NEO1: variants seen among roughly 807,000 people sequenced by gnomAD.
The protein encoded by NEO1 is neogenin.
Under a neutral mutation model 159.7 loss-of-function variants are expected in NEO1, and 63 were observed. The observed-to-expected ratio is 0.39, with a 90% CI of 0.32 to 0.49. The LOEUF (loss-of-function observed/expected upper bound fraction) is 0.49, where lower values mean the gene tolerates loss of function less well. Ranked by LOEUF, NEO1 falls within the 20% of genes least tolerant of loss-of-function variation. The pLI is 0.85. For synonymous variants in NEO1, 633 were observed against 662.0 expected (o/e 0.96, Z 0.67); for missense variants, 1,615 against 1,831.0 (o/e 0.88, Z 2.15).
intron 4 of NEO1, among the ~76,000 whole-genome samples, chr15:73,133,446 G>A (rs902564373): frequency 8.5e-5 from 13 of 152,182 alleles, no homozygotes; most frequent in African/African-American, 3.1e-4. Flanking sequence ...GTTGGGTGCA[G>A]TGTACACTGT....
intron 16 of NEO1, 109 bp downstream of exon 16, chr15:73,266,520 G>T: frequency 5.9e-6 from 4 of 682,822 alleles, no homozygotes; most frequent in South Asian, 3.7e-5. Flanking sequence ...GCATATGGCA[G>T]TTTCGGGTGC....
intron 8 of NEO1, 86 bp downstream of exon 8, chr15:73,236,592 C>T: frequency 8.2e-7 from 1 of 1,219,704 alleles, no homozygotes; most frequent in Non-Finnish European, 1.2e-6. Flanking sequence ...GGTATCTGTA[C>T]CAATTTTTAG....
chr15:73,120,008 C>G (rs1020164525), intron 2 of NEO1, among the ~76,000 whole-genome samples: 1 of 151,906 alleles, frequency 6.6e-6, no homozygotes, highest in Non-Finnish European at 1.5e-5. Flanking sequence ...TGGTGGTGCC[C>G]GCCTGTAATC....
At chr15:73,273,781 ATTTCT>A in intron 19 of NEO1, 25 bp from the exon 20 acceptor site, 1 of 1,560,870 alleles carries the variant, frequency 6.4e-7, no homozygotes, top group Non-Finnish European at 8.7e-7. Context: ...CAGGAGTGAG[ATTTCT>A]TTTCCCATTA....
chr15:73,212,736 A>T lies in NEO1; in HGVS notation c.1292-23611A>T, dbSNP rs1293533426. 2.0e-5 allele frequency among the ~76,000 whole-genome samples: 3 copies of T among 151,618 alleles called. No individual in the cohort carries two copies. In the East Asian group the frequency reaches 5.8e-4, roughly 29 times the overall value. ...AGAAGCATTGCTGATAGTAGCAAAA[A>T]AAAAGTAATGGAAACAGCCCAAAAA... On this transcript the variant is annotated intron_variant, in intron 7 of 28. Transcript: ENST00000261908.
At chr15:73,169,426 T>C (rs2034802785) in intron 5 of NEO1, among the ~76,000 whole-genome samples, 1 of 152,260 alleles carries the variant, frequency 6.6e-6, no homozygotes, top group Non-Finnish European at 1.5e-5. Context: ...CAATTTAACT[T>C]CCCAACCACA....
At position 73,249,736 on chromosome 15, in the gene NEO1, C is replaced by T; in HGVS notation, c.1894+15C>T. 2.5e-6 allele frequency: 4 copies of T among 1,603,176 alleles called. No homozygotes were observed. Among genetic ancestry groups the T allele is most frequent in the Non-Finnish European group, 3.4e-6 (4 of 1,176,106 alleles). ...ATTGTCAGATGGTGAGTCTTTCTTC[C>T]TCTGGAACGATATACCACACTTGGT... On this transcript the variant is annotated intron_variant, in intron 11 of 28. Transcript: ENST00000261908.
chr15:73,085,826 GT>G (rs2069326005), intron 1 of NEO1, among the ~76,000 whole-genome samples: 1 of 152,042 alleles, frequency 6.6e-6, no homozygotes, highest in African/African-American at 2.4e-5. Flanking sequence ...TTGTTGTTGA[GT>G]TTTGAATTCT....
intron 5 of NEO1, among the ~76,000 whole-genome samples, chr15:73,168,886 GT>G (rs1319470525): frequency 0.012 from 1,765 of 145,986 alleles, 21 homozygotes; most frequent in Middle Eastern, 0.024. Flanking sequence ...TATTTGTTGG[GT>G]TTTTTTTTTT....
chr15:73,298,723 A>G lies in NEO1; in HGVS notation c.4165+112A>G, dbSNP rs2042477326. 8 of 1,408,876 alleles carry G rather than the reference A, an allele frequency of 5.7e-6. No homozygotes were observed. The South Asian group carries it at 1.1e-4, about 19-fold the overall frequency. The allele number at this position is 1,408,876 out of a possible 1,614,324, so 87.3% of individuals were successfully genotyped here. On this transcript the variant is annotated intron_variant, in intron 27 of 28. Transcript: ENST00000261908. Reference sequence around the variant, plus strand: ...AAGTATAGCAAAGCAAATATCCTCCAAGCCTATCTTAGCAATTCTGTTAGC... The same window carrying G: ...AAGTATAGCAAAGCAAATATCCTCCGAGCCTATCTTAGCAATTCTGTTAGC...
At chr15:73,193,491 G>A (rs188494734) in intron 7 of NEO1, among the ~76,000 whole-genome samples, 24 of 151,050 alleles carry the variant, frequency 1.6e-4, no homozygotes, top group East Asian at 5.8e-4. Context: ...TCTTTTTTCC[G>A]CTTATGTTCT....
intron 15 of NEO1, among the ~76,000 whole-genome samples, chr15:73,264,920 T>C (rs912831044): frequency 6.6e-5 from 10 of 152,168 alleles, no homozygotes. Flanking sequence ...ATAATACAAT[T>C]CAAAAATAAT....
chr15:73,185,152 A>G (rs200774127), intron 7 of NEO1, among the ~76,000 whole-genome samples: 2 of 152,182 alleles, frequency 1.3e-5, no homozygotes, highest in African/African-American at 2.4e-5. Context: ...ATGAATAAGC[A>G]GAACACAGAT....
chr15:73,261,662 GAAATT>G (rs1456221003), intron 15 of NEO1, among the ~76,000 whole-genome samples: 1 of 152,142 alleles, frequency 6.6e-6, no homozygotes, highest in Non-Finnish European at 1.5e-5. Flanking sequence ...GTTACTGAGA[GAAATT>G]AAAGAATACT....
chr15:73,288,670 G>T, intron 24 of NEO1, 119 bp downstream of exon 24: 1 of 801,196 alleles, frequency 1.2e-6, no homozygotes. Context: ...CAGATTTAGA[G>T]AAATGTGTAT....
At chr15:73,302,516 T>C (rs2042660714) in intron 28 of NEO1, 97 bp from the exon 29 acceptor site, 3 of 1,109,606 alleles carry the variant, frequency 2.7e-6, no homozygotes, top group Non-Finnish European at 4.0e-6. Flanking sequence ...TGGGGCCATT[T>C]GACTACTGAC....
At position 73,122,516 on chromosome 15, in the gene NEO1, A is replaced by G; in HGVS notation, c.449-9A>G. The G allele has an allele frequency of 6.2e-7, 1 of 1,607,590 alleles. No individual in the cohort carries two copies. Among genetic ancestry groups the G allele is most frequent in the Non-Finnish European group, 8.5e-7 (1 of 1,177,188 alleles). On this transcript the variant is annotated splice_polypyrimidine_tract_variant and intron_variant, in intron 2 of 28. Transcript: ENST00000261908. ...TAAATTTTATTTCTTCTCTTCCTTT[A>G]TTGTCCAGGTCTTCCAAGATTTACC...
chr15:73,129,934 A>C (rs1381669019), intron 4 of NEO1, among the ~76,000 whole-genome samples: 1 of 152,204 alleles, frequency 6.6e-6, no homozygotes, highest in Non-Finnish European at 1.5e-5. Context: ...AAAGGTAGAG[A>C]GAGAAAGACT....
chr15:73,137,125 C>A (rs1222265852), intron 5 of NEO1, among the ~76,000 whole-genome samples: 1 of 152,056 alleles, frequency 6.6e-6, no homozygotes, highest in Non-Finnish European at 1.5e-5. Context: ...ATATATATTA[C>A]CAGAGTGGTT....
Sources: allele counts gnomAD v4.1 joint callset (sites outside exome capture counted in the v4.1 genomes callset), GRCh38; gene constraint gnomAD v4.1.1; transcripts MANE v1.5; gene names NCBI Gene and HGNC (gene_info 2026-07-23, HGNC 2026-07-21).